Variants in SH3BGRL2 observed in about 807,000 individuals in gnomAD.
SH3BGRL2 encodes the protein SH3 domain binding glutamate rich protein like 2, also known as SH3 domain-binding glutamic acid-rich-like protein 2.
SH3BGRL2 carries 21 observed loss-of-function variants against 14.8 expected under a neutral mutation model. The ratio of observed to expected loss-of-function variants is 1.42; its 90% CI spans 1.01 to 2.05. The LOEUF is 2.05. Ranked by LOEUF, SH3BGRL2 falls within the 30% of genes most tolerant of loss-of-function variation. The probability of loss-of-function intolerance (pLI) is 0.00; values close to 1 mark genes in which losing one functional copy is unlikely to be tolerated. For missense variants in SH3BGRL2, 147 were observed against 130.8 expected, an observed-to-expected ratio of 1.12 and a Z score of -0.61; for synonymous variants, 50 against 47.8, an observed-to-expected ratio of 1.05 and a Z score of -0.19.
chr6:79,666,536 C>T (rs1187514474), intron 1 of SH3BGRL2, among the ~76,000 whole-genome samples: 1 of 152,012 alleles, frequency 6.6e-6, no homozygotes, highest in South Asian at 2.1e-4. Flanking sequence ...AAAGAATTTG[C>T]CATGAAATTA....
intron 2 of SH3BGRL2, among the ~76,000 whole-genome samples, chr6:79,693,583 G>T (rs1770272261): frequency 6.6e-6 from 1 of 151,720 alleles, no homozygotes; most frequent in East Asian, 1.9e-4. Context: ...GTTGAATTTT[G>T]TCAAAGGCCT....
At chr6:79,564,033 G>A in the SH3BGRL2 span, among the ~76,000 whole-genome samples, 2 of 152,164 alleles carry the variant, frequency 1.3e-5, no homozygotes, top group African/African-American at 4.8e-5. Context: ...GAAAAATGTT[G>A]AGCAAACGAT....
rs1315075814 is a variant in SH3BGRL2, at chr6:79,680,508, A to G, written c.231+6709A>G. Reference sequence around the variant, plus strand: ...GTAATATGTTTTGAAATCAGAAAGCATAAGTCCTTTAACTTTGTTCTTTTT... The same window carrying G: ...GTAATATGTTTTGAAATCAGAAAGCGTAAGTCCTTTAACTTTGTTCTTTTT... On this transcript the variant is annotated intron_variant, in intron 2 of 3. Coordinates refer to ENST00000369838, the MANE Select transcript of SH3BGRL2 (RefSeq NM_031469.4). Among the ~76,000 whole-genome samples the G allele has an allele frequency of 2.6e-5, 4 of 152,224 alleles. No individual in the cohort carries two copies. The South Asian group carries it at 8.3e-4, about 31-fold the overall frequency.
At chr6:79,609,125 AT>A in the SH3BGRL2 span, among the ~76,000 whole-genome samples, 1 of 152,168 alleles carries the variant, frequency 6.6e-6, no homozygotes, top group African/African-American at 2.4e-5. Flanking sequence ...GTGCCTCCTC[AT>A]TGGTAAGCAA....
chr6:79,583,003 A>G, the SH3BGRL2 span, among the ~76,000 whole-genome samples: 1 of 152,256 alleles, frequency 6.6e-6, no homozygotes, highest in Non-Finnish European at 1.5e-5. Context: ...AAAAGAAGAC[A>G]TCTATGCAGC....
the SH3BGRL2 span, among the ~76,000 whole-genome samples, chr6:79,590,445 A>ATATATATATATG: frequency 1.2e-4 from 16 of 133,524 alleles, no homozygotes; most frequent in Non-Finnish European, 2.2e-4. Context: ...ATATATATAT[A>ATATATATATATG]TATATATATA....
chr6:79,580,211 AC>A, the SH3BGRL2 span, among the ~76,000 whole-genome samples: 9 of 152,138 alleles, frequency 5.9e-5, no homozygotes, highest in African/African-American at 2.2e-4. Context: ...AGACTTTAAC[AC>A]CCCACTGTCA....
At chr6:79,588,482 A>G in the SH3BGRL2 span, among the ~76,000 whole-genome samples, 1 of 152,092 alleles carries the variant, frequency 6.6e-6, no homozygotes, top group Admixed American at 6.5e-5. Context: ...TTATTCTGGG[A>G]AATGTATGCC....
intron 3 of SH3BGRL2, among the ~76,000 whole-genome samples, chr6:79,698,223 C>T (rs1365926560): frequency 8.5e-5 from 13 of 152,182 alleles, no homozygotes; most frequent in African/African-American, 2.7e-4. Flanking sequence ...TGCCACTCTC[C>T]ATGAACCATT....
the SH3BGRL2 span, among the ~76,000 whole-genome samples, chr6:79,582,129 TAA>T: frequency 1.3e-5 from 2 of 152,042 alleles, no homozygotes; most frequent in South Asian, 4.2e-4. Flanking sequence ...CTCCATGAAA[TAA>T]AAGAGGACAT....
the SH3BGRL2 span, among the ~76,000 whole-genome samples, chr6:79,545,516 C>T: frequency 6.6e-6 from 1 of 152,104 alleles, no homozygotes; most frequent in Non-Finnish European, 1.5e-5. Flanking sequence ...CTGATCTTAG[C>T]ACCTGAAAAT....
At chr6:79,551,675 T>C in the SH3BGRL2 span, among the ~76,000 whole-genome samples, 1 of 152,180 alleles carries the variant, frequency 6.6e-6, no homozygotes, top group Non-Finnish European at 1.5e-5. Context: ...GGAGGAGCTA[T>C]GAATATTCAT....
upstream of SH3BGRL2, among the ~76,000 whole-genome samples, chr6:79,626,572 G>A (rs1321109674): frequency 2.0e-5 from 3 of 152,160 alleles, no homozygotes; most frequent in African/African-American, 7.2e-5. Context: ...ATAACAGCTA[G>A]TGCTTCTTGT....
the SH3BGRL2 span, among the ~76,000 whole-genome samples, chr6:79,597,841 A>T: frequency 1.3e-5 from 2 of 152,234 alleles, no homozygotes; most frequent in Non-Finnish European, 2.9e-5. Flanking sequence ...AAATGGCAGA[A>T]AATGTTTGTG....
At chr6:79,570,479 G>A in the SH3BGRL2 span, among the ~76,000 whole-genome samples, 1 of 152,256 alleles carries the variant, frequency 6.6e-6, no homozygotes, top group African/African-American at 2.4e-5. Context: ...AATATAAAAG[G>A]TAAAGAAGAC....
At chr6:79,581,250 A>G in the SH3BGRL2 span, among the ~76,000 whole-genome samples, 7 of 152,334 alleles carry the variant, frequency 4.6e-5, no homozygotes, top group East Asian at 1.3e-3. Context: ...AACGATTCCA[A>G]TCAACAGAAA....
intron 1 of SH3BGRL2, among the ~76,000 whole-genome samples, chr6:79,637,364 AT>A (rs989798744): frequency 1.4e-4 from 21 of 151,644 alleles, no homozygotes; most frequent in African/African-American, 3.4e-4. Flanking sequence ...GAAGAAACTA[AT>A]TTTTTTTTAG....
upstream of SH3BGRL2, among the ~76,000 whole-genome samples, chr6:79,627,962 C>A (rs9448752): frequency 6.7e-3 from 1,014 of 152,224 alleles, 12 homozygotes; most frequent in African/African-American, 0.023. Context: ...TCACTAAACT[C>A]TAACTGAAAT....
chr6:79,690,282 C>G (rs1187760977), intron 2 of SH3BGRL2, among the ~76,000 whole-genome samples: 1 of 152,088 alleles, frequency 6.6e-6, no homozygotes, highest in East Asian at 1.9e-4. Context: ...GTGAACCACC[C>G]CAAATGACCA....
Sources: allele counts gnomAD v4.1 joint callset (sites outside exome capture counted in the v4.1 genomes callset), GRCh38; gene constraint gnomAD v4.1.1; transcripts MANE v1.5; gene names NCBI Gene and HGNC (gene_info 2026-07-23, HGNC 2026-07-21).